Variants in ZWILCH observed in about 807,000 individuals in gnomAD.
The protein encoded by ZWILCH is zwilch kinetochore protein.
A neutral mutation model predicts 79.9 loss-of-function variants in ZWILCH; 74 were observed. The ratio of observed to expected loss-of-function variants is 0.93; its 90% CI spans 0.77 to 1.12. ZWILCH has a LOEUF of 1.12. Among genes scored for constraint, ZWILCH ranks in the 50% most tolerant of loss-of-function variants. The pLI is 0.00. For synonymous variants in ZWILCH, 241 were observed against 228.2 expected (o/e 1.06, Z -0.51); for missense variants, 694 against 687.5 (o/e 1.01, Z -0.11).
At chr15:66,539,401 CAAA>C (rs536047404) in intron 16 of ZWILCH, among the ~76,000 whole-genome samples, 2 of 58,062 alleles carry the variant, frequency 3.4e-5, no homozygotes, top group Non-Finnish European at 7.1e-5. Flanking sequence ...AAGACCCTGT[CAAA>C]AAAAAAAAAA....
At chr15:66,542,348 G>T (rs34711976) in intron 17 of ZWILCH, among the ~76,000 whole-genome samples, 8,565 of 152,256 alleles carry the variant, frequency 0.056, 340 homozygotes, top group Middle Eastern at 0.11. Context: ...CACTTTGGGA[G>T]GTCCAGGCAA....
At chr15:66,512,860 A>G (rs1045762226) in intron 2 of ZWILCH, among the ~76,000 whole-genome samples, 2 of 152,202 alleles carry the variant, frequency 1.3e-5, no homozygotes, top group South Asian at 2.1e-4. Context: ...CAGTGGCACA[A>G]TCTTGGCCCA....
At position 66,515,510 on chromosome 15, in the gene ZWILCH, A is replaced by G; in HGVS notation, c.202-16A>G. 4.0e-6 allele frequency: 6 copies of G among 1,511,274 alleles called. No homozygotes were observed. The highest frequency in any genetic ancestry group is 5.5e-6 in the Non-Finnish European group (6 of 1,094,242). The allele number at this position is 1,511,274 out of a possible 1,614,324, so 93.6% of individuals were successfully genotyped here. A position where few individuals can be genotyped will look rare whatever the true frequency, so the allele number is the denominator to read the frequency against. On this transcript the variant is annotated splice_polypyrimidine_tract_variant and intron_variant, in intron 3 of 18. Transcript: ENST00000307897. ...TGCTCTTTTGTCTGGTTAAATAATT[A>G]AGAACATTTTTAAAGCCTTTAGAAA...
intron 5 of ZWILCH, among the ~76,000 whole-genome samples, chr15:66,519,685 C>T (rs370822180): frequency 3.9e-5 from 6 of 152,102 alleles, no homozygotes; most frequent in Non-Finnish European, 7.4e-5. Flanking sequence ...TTAGTAGAGA[C>T]GGGGGTTCAC....
At chr15:66,513,318 C>A (rs984984515) in intron 2 of ZWILCH, among the ~76,000 whole-genome samples, 1 of 151,914 alleles carries the variant, frequency 6.6e-6, no homozygotes, top group Non-Finnish European at 1.5e-5. Flanking sequence ...GTATTCCCAG[C>A]ACTTTGGGAG....
chr15:66,512,087 G>A (rs112493728), intron 2 of ZWILCH, among the ~76,000 whole-genome samples: 1,971 of 152,064 alleles, frequency 0.013, 35 homozygotes, highest in African/African-American at 0.045. Context: ...GCAAAAAACT[G>A]GAAACTACTA....
chr15:66,541,314 G>A (rs1016998447), intron 17 of ZWILCH, among the ~76,000 whole-genome samples: 6 of 151,662 alleles, frequency 4.0e-5, no homozygotes, highest in Non-Finnish European at 7.4e-5. Flanking sequence ...ACACGCACAC[G>A]CACACACAAA....
chr15:66,518,364 C>T (rs1894366583), intron 4 of ZWILCH, among the ~76,000 whole-genome samples: 1 of 147,634 alleles, frequency 6.8e-6, no homozygotes, highest in Non-Finnish European at 1.5e-5. Context: ...TCTGGGCTCA[C>T]TGCAAGCTCT....
At chr15:66,520,685 T>G (rs1894459473) in intron 6 of ZWILCH, 25 bp downstream of exon 6, 1 of 1,462,478 alleles carries the variant, frequency 6.8e-7, no homozygotes, top group African/African-American at 1.4e-5. Context: ...TCTACTCATA[T>G]TATTTTCTTC....
Position 66,505,400 on chromosome 15 carries a change from A to G in ZWILCH, c.53+9A>G. ...TATTCTCGTCTCCTTCAGTGAGTCT[A>G]GTCTCTTCTTTTGGCTGGGGTCCTG... On this transcript the variant is annotated intron_variant, in intron 1 of 18. Transcript: ENST00000307897. 1.2e-6 allele frequency: 2 copies of G among 1,614,002 alleles called. No homozygotes were observed. Among genetic ancestry groups the G allele is most frequent in the Non-Finnish European group, 8.5e-7 (1 of 1,179,942 alleles).
intron 2 of ZWILCH, among the ~76,000 whole-genome samples, chr15:66,510,058 G>A (rs1368926029): frequency 6.7e-6 from 1 of 150,002 alleles, no homozygotes; most frequent in East Asian, 1.9e-4. Flanking sequence ...TGTGCCTGTA[G>A]TCCCAGCTAC....
chr15:66,542,827 T>TA (rs1373768860), intron 17 of ZWILCH, among the ~76,000 whole-genome samples: 7 of 152,090 alleles, frequency 4.6e-5, no homozygotes, highest in Non-Finnish European at 7.4e-5. Flanking sequence ...ATTCCATCTC[T>TA]AAAAAATGTA....
intron 10 of ZWILCH, among the ~76,000 whole-genome samples, chr15:66,528,495 A>G (rs1413443636): frequency 1.3e-5 from 2 of 152,220 alleles, no homozygotes; most frequent in African/African-American, 2.4e-5. Flanking sequence ...TAATATTACT[A>G]TAAAATGGCT....
At chr15:66,520,507 G>C in intron 5 of ZWILCH, 83 bp from the exon 6 acceptor site, 4 of 713,564 alleles carry the variant, frequency 5.6e-6, no homozygotes, top group Non-Finnish European at 9.9e-6. Context: ...GGTACATTGA[G>C]AATGTGAGGG....
chr15:66,521,301 C>G, intron 7 of ZWILCH, 96 bp downstream of exon 7: 1 of 1,428,948 alleles, frequency 7.0e-7, no homozygotes, highest in South Asian at 1.3e-5. Context: ...AGCCTTGGCA[C>G]TTGCTGAGTG....
intron 17 of ZWILCH, among the ~76,000 whole-genome samples, chr15:66,543,900 T>C (rs1379552971): frequency 1.3e-5 from 2 of 152,186 alleles, no homozygotes; most frequent in South Asian, 2.1e-4. Context: ...AAAGTAAACA[T>C]TCTGTCTACA....
At chr15:66,528,551 A>T (rs960980043) in intron 10 of ZWILCH, among the ~76,000 whole-genome samples, 3 of 152,214 alleles carry the variant, frequency 2.0e-5, no homozygotes, top group African/African-American at 7.2e-5. Flanking sequence ...TGTTAAATTA[A>T]ACTAGATATA....
At chr15:66,531,200 G>T (rs1014536247) in intron 12 of ZWILCH, among the ~76,000 whole-genome samples, 1 of 152,156 alleles carries the variant, frequency 6.6e-6, no homozygotes, top group Non-Finnish European at 1.5e-5. Flanking sequence ...AGCCAATGAG[G>T]AGTTCCTTAT....
chr15:66,544,724 T>TTGTGTG lies in ZWILCH; in HGVS notation c.1688-1837_1688-1832dup, dbSNP rs1555426547. 2.9e-3 allele frequency among the ~76,000 whole-genome samples: 374 copies of TTGTGTG among 128,542 alleles called. 5 individuals are homozygous for TTGTGTG. The East Asian group carries it at 0.039, about 13-fold the overall frequency. 84.3% of individuals were successfully genotyped at this position (128,542 alleles called of 152,430 possible). On this transcript the variant is annotated intron_variant, in intron 17 of 18. Coordinates refer to ENST00000307897, the MANE Select transcript of ZWILCH (RefSeq NM_017975.5). ...TGTTTTTTTGTTGTTTTTTTGGTTT[T>TTGTGTG]TGTGTGTGTGTGTGTGTGTGTGTGT...
Sources: allele counts gnomAD v4.1 joint callset (sites outside exome capture counted in the v4.1 genomes callset), GRCh38; gene constraint gnomAD v4.1.1; transcripts MANE v1.5; gene names NCBI Gene and HGNC (gene_info 2026-07-23, HGNC 2026-07-21).